The following TMC2 variants were observed in gnomAD, a reference collection of about 807,000 sequenced individuals.
TMC2 encodes transmembrane channel-like protein 2.
A neutral mutation model predicts 105.9 loss-of-function variants in TMC2; 102 were observed. That is an observed-to-expected ratio of 0.96 (90% CI 0.82 to 1.14). TMC2 has a LOEUF of 1.14. Among genes scored for constraint, TMC2 ranks in the 50% most tolerant of loss-of-function variants. TMC2 has a pLI of 0.00. For synonymous variants in TMC2, 402 were observed against 422.8 expected, an observed-to-expected ratio of 0.95 and a Z score of 0.60; for missense variants, 1,093 against 1,134.3, an observed-to-expected ratio of 0.96 and a Z score of 0.52.
At chr20:2,626,700 A>G (rs1478589225) in intron 17 of TMC2, among the ~76,000 whole-genome samples, 1 of 152,186 alleles carries the variant, frequency 6.6e-6, no homozygotes, top group Non-Finnish European at 1.5e-5. Flanking sequence ...TTTCCAAGAC[A>G]CTGACCTTAC....
rs755792735 is a variant in TMC2 at position 2,558,713 on chromosome 20, C to G, written c.340C>G (p.Pro114Ala). 8 of 1,601,272 alleles carry G rather than the reference C, an allele frequency of 5.0e-6. No individual in the cohort carries two copies. In the East Asian group the frequency reaches 1.6e-4, roughly 31 times the overall value. ...CTCCTTCCAGGAGCGGACAGCAGCC[C>G]CAAAGAGGGAAAAGGAGATTCCGAG... ...RASFQERTAA[P>A]KREKEIPRRE... The change falls in exon 3 of 20, where the codon CCA (proline) becomes GCA (alanine). Residue 114 changes from proline (P) to alanine (A), a missense_variant. By Grantham distance (27) the Pro-to-Ala change is conservative (BLOSUM62 -1). Coordinates refer to ENST00000358864, the MANE Select transcript of TMC2 (RefSeq NM_080751.3). This position sits in a 1 kb window ranked among gnomAD's most constrained non-coding sequence, Gnocchi z 4.6.
chr20:2,561,405 A>C (rs1448897011), intron 3 of TMC2, among the ~76,000 whole-genome samples: 1 of 152,250 alleles, frequency 6.6e-6, no homozygotes, highest in African/African-American at 2.4e-5. Context: ...CAAAATGAAC[A>C]GTGACCTTTG....
Position 2,641,481 on chromosome 20 carries a change from T to C in TMC2, c.*130T>C. ...GCTCTGTCTCCTCTCTTGGAATGCA[T>C]GAACTTTGATTCCTTCAGGCCCTTG... On this transcript the variant is annotated 3_prime_UTR_variant, in exon 20 of 20. Coordinates refer to ENST00000358864, the MANE Select transcript of TMC2 (RefSeq NM_080751.3). 3.2e-6 allele frequency: 2 copies of C among 631,150 alleles called. No individual in the cohort carries two copies. The highest frequency in any genetic ancestry group is 5.5e-6 in the Non-Finnish European group (2 of 360,548). 39.1% of individuals were successfully genotyped at this position (631,150 alleles called of 1,614,324 possible).
Position 2,583,838 on chromosome 20 carries a change from C to T in TMC2, c.834+3782C>T, listed in dbSNP as rs920052852. On this transcript the variant is annotated intron_variant, in intron 7 of 19. Transcript: ENST00000358864. ...ACCAAAGCAGAAATTTTGGTTGCAGCCTTGTGAAAGATCCTGGAAGCGAAG... is the reference window on the plus strand; with the variant it reads ...ACCAAAGCAGAAATTTTGGTTGCAGTCTTGTGAAAGATCCTGGAAGCGAAG... Among the ~76,000 whole-genome samples the T allele has an allele frequency of 3.2e-4, 48 of 152,122 alleles. 1 individual carries two copies. The highest frequency in any genetic ancestry group is 2.1e-3 in the South Asian group (10 of 4,822).
intron 11 of TMC2, among the ~76,000 whole-genome samples, chr20:2,609,451 A>G (rs1488260226): frequency 6.6e-6 from 1 of 152,126 alleles, no homozygotes; most frequent in African/African-American, 2.4e-5. Context: ...GATGCCCAAG[A>G]TGAATTCTAC....
At chr20:2,589,269 C>CGTGT (rs764448789) in intron 7 of TMC2, among the ~76,000 whole-genome samples, 6,628 of 84,576 alleles carry the variant, frequency 0.078, 556 homozygotes, top group Middle Eastern at 0.093. Context: ...TCCTATTTGC[C>CGTGT]CTGTGTGTGT....
intron 10 of TMC2, among the ~76,000 whole-genome samples, chr20:2,598,662 C>T (rs1416051530): frequency 6.6e-6 from 1 of 152,080 alleles, no homozygotes; most frequent in African/African-American, 2.4e-5. Flanking sequence ...CCCGCCTCGG[C>T]CTCCCAAAGT....
intron 10 of TMC2, among the ~76,000 whole-genome samples, chr20:2,600,796 G>C (rs138223476): frequency 0.026 from 3,921 of 149,198 alleles, 177 homozygotes; most frequent in African/African-American, 0.089. Context: ...TGCACTCCAG[G>C]CTGGGTGACA....
rs141012167 is a variant in TMC2 at position 2,597,182 on chromosome 20, G to A, written c.1108G>A (p.Glu370Lys). 159 of 1,614,138 alleles carry A rather than the reference G, an allele frequency of 9.9e-5. 1 individual carries two copies. The African/African-American group carries it at 1.5e-3, about 15-fold the overall frequency. The change falls in exon 10 of 20, where the codon GAA becomes AAA. Residue 370 changes from glutamate (E) to lysine (K), a missense_variant. By Grantham distance (56) the Glu-to-Lys change is moderately conservative. Coordinates refer to ENST00000358864, the MANE Select transcript of TMC2 (RefSeq NM_080751.3). ...CAGCAATACCCAAGGAAGCACAGGC[G>A]AAGGGGAGAGTGACAACTTCACATT... The part of the protein sequence containing the change: ...MASNTQGSTG[E>K]GESDNFTFSF...
intron 19 of TMC2, among the ~76,000 whole-genome samples, chr20:2,638,877 G>C (rs1017294516): frequency 6.6e-6 from 1 of 152,080 alleles, no homozygotes; most frequent in African/African-American, 2.4e-5. Flanking sequence ...AATAAGCTAA[G>C]GTTTATTATT....
chr20:2,556,140 G>T (rs2085983739), intron 2 of TMC2, among the ~76,000 whole-genome samples: 1 of 152,248 alleles, frequency 6.6e-6, no homozygotes, highest in South Asian at 2.1e-4. Flanking sequence ...CCAGGCTGGA[G>T]TGCAGTGGTG....
chr20:2,600,730 A>G (rs1298360105), intron 10 of TMC2, among the ~76,000 whole-genome samples: 2 of 152,270 alleles, frequency 1.3e-5, no homozygotes, highest in African/African-American at 4.8e-5. Context: ...AGGCTGAGGC[A>G]GGAGAATGGC....
At chr20:2,610,316 G>A in intron 11 of TMC2, 103 bp from the exon 12 acceptor site, 3 of 1,106,422 alleles carry the variant, frequency 2.7e-6, no homozygotes, top group Non-Finnish European at 3.9e-6. Context: ...GCGCAGCAGA[G>A]GGGGCAGCAG....
At chr20:2,639,155 A>G (rs1434067909) in intron 19 of TMC2, among the ~76,000 whole-genome samples, 6 of 152,194 alleles carry the variant, frequency 3.9e-5, no homozygotes, top group Non-Finnish European at 8.8e-5. Context: ...TCGGCCTCCC[A>G]AAGTGCTGGG....
rs1397145808 is a variant in TMC2 at position 2,580,064 on chromosome 20, A to G, written c.834+8A>G. 1 of 1,569,616 alleles carries G rather than the reference A, an allele frequency of 6.4e-7. No homozygotes were observed. Among genetic ancestry groups the G allele is most frequent in the Non-Finnish European group, 8.8e-7 (1 of 1,140,004 alleles). On this transcript the variant is annotated splice_region_variant and intron_variant, in intron 7 of 19. Transcript: ENST00000358864. ...CTAGTCATAATCCCAGAGGTAAGAA[A>G]AGAACTTCCTAAATCTTTGGATAGA... is the stretch of plus-strand genomic sequence containing the variant.
chr20:2,638,733 AG>A (rs1369991091), intron 19 of TMC2, among the ~76,000 whole-genome samples: 1 of 152,212 alleles, frequency 6.6e-6, no homozygotes, highest in Admixed American at 6.5e-5. Context: ...AAAAGTAAAA[AG>A]AAAAAAAATT....
At chr20:2,587,797 T>C (rs1337280907) in intron 7 of TMC2, among the ~76,000 whole-genome samples, 1 of 152,196 alleles carries the variant, frequency 6.6e-6, no homozygotes, top group Admixed American at 6.5e-5. Context: ...CAGTATACAA[T>C]ACATTGTTAT....
chr20:2,573,157 T>C (rs2086115298), intron 5 of TMC2, among the ~76,000 whole-genome samples: 1 of 152,164 alleles, frequency 6.6e-6, no homozygotes, highest in Non-Finnish European at 1.5e-5. Flanking sequence ...TAAAAAAATG[T>C]CTTGGCTGTC....
chr20:2,545,034 C>CAA (rs34794391), intron 2 of TMC2, among the ~76,000 whole-genome samples: 67 of 98,400 alleles, frequency 6.8e-4, no homozygotes, highest in African/African-American at 2.0e-3. Flanking sequence ...CTGTCTCTAC[C>CAA]AAAAAAAAAA....
Sources: allele counts gnomAD v4.1 joint callset (sites outside exome capture counted in the v4.1 genomes callset), GRCh38; gene constraint gnomAD v4.1.1; non-coding constraint Gnocchi (gnomAD v3.1); transcripts MANE v1.5; gene names NCBI Gene and HGNC (gene_info 2026-07-23, HGNC 2026-07-21).